The following PRDM5 variants were observed in gnomAD, a reference collection of about 807,000 sequenced individuals.
The protein encoded by PRDM5 is PR/SET domain 5.
In PRDM5, 56 loss-of-function variants were observed where a neutral mutation model predicts 81.2. The observed-to-expected ratio is 0.69, with a 90% confidence interval of 0.56 to 0.86. The LOEUF is 0.86. PRDM5 is among the 40% of genes least tolerant of loss of function. The pLI is 0.00. For synonymous variants in PRDM5, 267 were observed against 256.4 expected (o/e 1.04, Z -0.39); for missense variants, 697 against 770.1 (o/e 0.91, Z 1.12).
intron 2 of PRDM5, among the ~76,000 whole-genome samples, chr4:120,873,958 A>C (rs1762099678): frequency 6.6e-6 from 1 of 152,092 alleles, no homozygotes. Flanking sequence ...ATGTTTATCC[A>C]GTTTTTTTAT....
At chr4:120,739,422 T>C (rs1234522560) in intron 14 of PRDM5, among the ~76,000 whole-genome samples, 1 of 152,148 alleles carries the variant, frequency 6.6e-6, no homozygotes, top group African/African-American at 2.4e-5. Context: ...TAGTACCAGC[T>C]TCCCCTCCCC....
chr4:120,818,196 CA>C (rs1343815389), intron 5 of PRDM5, 156 bp downstream of exon 5: 1 of 698,362 alleles, frequency 1.4e-6, no homozygotes, highest in Non-Finnish European at 2.4e-6. Context: ...GAGTTAATGA[CA>C]ATACCAATGT....
chr4:120,777,400 T>G, intron 12 of PRDM5, 119 bp from the exon 13 acceptor site: 1 of 1,508,734 alleles, frequency 6.6e-7, no homozygotes, highest in Non-Finnish European at 8.9e-7. Context: ...TAAAATGATT[T>G]AATTTCACAA....
chr4:120,911,705 T>C (rs1410014833), intron 1 of PRDM5, among the ~76,000 whole-genome samples: 2 of 152,180 alleles, frequency 1.3e-5, no homozygotes, highest in African/African-American at 4.8e-5. Flanking sequence ...GGATTTAGAT[T>C]AGTTGATTCT....
intron 7 of PRDM5, among the ~76,000 whole-genome samples, chr4:120,813,841 T>C (rs1237779275): frequency 6.6e-6 from 1 of 152,180 alleles, no homozygotes; most frequent in Admixed American, 6.5e-5. Context: ...TCCTTGATAC[T>C]AGGCCCTACT....
intron 3 of PRDM5, chr4:120,837,210 T>A (rs1466249528): frequency 6.6e-6 from 1 of 152,230 alleles, no homozygotes; most frequent in Non-Finnish European, 1.5e-5. Context: ...ATATATTTAA[T>A]CTCTGAGGTG....
At chr4:120,744,051 G>C (rs1459637173) in intron 14 of PRDM5, among the ~76,000 whole-genome samples, 1 of 152,040 alleles carries the variant, frequency 6.6e-6, no homozygotes, top group Non-Finnish European at 1.5e-5. Context: ...CTCAGCAAAT[G>C]TAAAAGAAGA....
chr4:120,706,705 C>CTGTAAAAAAT (rs1477140899), intron 15 of PRDM5, among the ~76,000 whole-genome samples: 3 of 146,156 alleles, frequency 2.1e-5, no homozygotes, highest in African/African-American at 2.5e-5. Flanking sequence ...TTGGGCAAAA[C>CTGTAAAAAAT]TGGTTTTATA....
chr4:120,889,927 T>G (rs1200083081), intron 2 of PRDM5, among the ~76,000 whole-genome samples: 1 of 152,208 alleles, frequency 6.6e-6, no homozygotes, highest in East Asian at 1.9e-4. Context: ...GTGTACATTT[T>G]CTTTATCTAG....
chr4:120,849,684 C>T (rs920310397), intron 3 of PRDM5, among the ~76,000 whole-genome samples: 2 of 152,104 alleles, frequency 1.3e-5, no homozygotes, highest in Non-Finnish European at 2.9e-5. Context: ...CTGTAAGTGG[C>T]ATAAAATATT....
chr4:120,855,003 C>G (rs1008101735), intron 2 of PRDM5, among the ~76,000 whole-genome samples: 1 of 151,984 alleles, frequency 6.6e-6, no homozygotes. Context: ...TGAGATCTAA[C>G]AGATTGGCAG....
intron 15 of PRDM5, among the ~76,000 whole-genome samples, chr4:120,697,155 G>T (rs889373173): frequency 6.6e-6 from 1 of 152,088 alleles, no homozygotes; most frequent in Non-Finnish European, 1.5e-5. Flanking sequence ...GCAAACACAC[G>T]CATACTGTAC....
At chr4:120,835,764 G>A (rs1377728816) in intron 3 of PRDM5, among the ~76,000 whole-genome samples, 1 of 151,686 alleles carries the variant, frequency 6.6e-6, no homozygotes, top group Non-Finnish European at 1.5e-5. Context: ...TAATACAAAA[G>A]GAAAGGAACT....
At chr4:120,837,878 C>T (rs1757542208) in intron 3 of PRDM5, 1 of 152,136 alleles carries the variant, frequency 6.6e-6, no homozygotes, top group Non-Finnish European at 1.5e-5. Context: ...ACAGCCATAT[C>T]TCAAAGGACT....
intron 4 of PRDM5, among the ~76,000 whole-genome samples, 183 bp from the exon 5 acceptor site, chr4:120,818,710 G>A (rs1754877429): frequency 6.6e-6 from 1 of 152,068 alleles, no homozygotes; most frequent in Admixed American, 6.6e-5. Context: ...AGTGTTACTA[G>A]AGAGAAATAC....
intron 3 of PRDM5, among the ~76,000 whole-genome samples, chr4:120,824,596 C>T (rs1376276730): frequency 6.6e-6 from 1 of 152,164 alleles, no homozygotes; most frequent in Non-Finnish European, 1.5e-5. Context: ...AATTGTTATT[C>T]ATCTCTTGCC....
At chr4:120,758,264 C>T (rs1578619464) in intron 13 of PRDM5, among the ~76,000 whole-genome samples, 1 of 151,930 alleles carries the variant, frequency 6.6e-6, no homozygotes, top group African/African-American at 2.4e-5. Flanking sequence ...TCTGGAGAAC[C>T]CTAATACAAT....
At position 120,694,992 on chromosome 4, in the gene PRDM5, T is replaced by C. The variant is rs1734351800; in HGVS notation, c.*119A>G. 1 of 1,211,550 alleles carries C rather than the reference T, an allele frequency of 8.3e-7. No individual in the cohort carries two copies. Among genetic ancestry groups the C allele is most frequent in the Non-Finnish European group, 1.2e-6 (1 of 824,936 alleles). The allele number at this position is 1,211,550 out of a possible 1,614,324, so 75.0% of individuals were successfully genotyped here. ...TCTACAGACTCTAAATGTAGGCAAA[T>C]AAGAACTATGAGACCAGTAAGTCAC... On this transcript the variant is annotated 3_prime_UTR_variant, in exon 16 of 16. Coordinates refer to ENST00000264808, the MANE Select transcript of PRDM5 (RefSeq NM_018699.4).
intron 2 of PRDM5, among the ~76,000 whole-genome samples, chr4:120,870,836 C>T (rs1761711980): frequency 6.6e-6 from 1 of 152,144 alleles, no homozygotes; most frequent in Non-Finnish European, 1.5e-5. Flanking sequence ...TCAGATTCCT[C>T]CTAAGAAGGA....
Sources: gnomAD v4.1 joint callset for allele counts (sites outside exome capture counted in the v4.1 genomes callset) on GRCh38, gnomAD v4.1.1 for gene constraint, MANE v1.5 for transcripts, NCBI Gene and HGNC (gene_info 2026-07-23, HGNC 2026-07-21) for gene names.